AP3S2: variants seen among roughly 807,000 people sequenced by gnomAD.
The protein encoded by AP3S2 is AP-3 complex subunit sigma-2.
A neutral mutation model predicts 23.4 loss-of-function variants in AP3S2; 22 were observed. The observed-to-expected ratio is 0.94, with a 90% CI of 0.67 to 1.34. The LOEUF is 1.34. Among genes scored for constraint, AP3S2 ranks in the 40% most tolerant of loss-of-function variants. The pLI is 0.00. For missense variants in AP3S2, 241 were observed against 236.9 expected (o/e 1.02, Z -0.11); for synonymous variants, 86 against 87.1 (o/e 0.99, Z 0.07).
chr15:89,849,210 A>T (rs1895573916), intron 4 of AP3S2, among the ~76,000 whole-genome samples: 1 of 152,324 alleles, frequency 6.6e-6, no homozygotes, highest in South Asian at 2.1e-4. Flanking sequence ...ATATGCATGA[A>T]AGAGACATTA....
rs573223684 is a variant in AP3S2, at chr15:89,885,392, G to A, written c.273+3129C>T. ...TAATTTTTCTATTTTTAGTAGAGACGAAGTTTCACCATGTTGGTCAGGCTG... is the reference window on the plus strand; with the variant it reads ...TAATTTTTCTATTTTTAGTAGAGACAAAGTTTCACCATGTTGGTCAGGCTG... On this transcript the variant is annotated intron_variant, in intron 3 of 5. Transcript: ENST00000336418. Among the ~76,000 whole-genome samples the A allele has an allele frequency of 5.9e-5, 9 of 151,850 alleles. No homozygotes were observed. The South Asian group carries it at 1.5e-3, about 25-fold the overall frequency.
Position 89,853,638 on chromosome 15 carries a change from G to A in AP3S2, c.346-15916C>T, listed in dbSNP as rs941998782. Reference sequence around the variant, plus strand: ...TGGAAAGTGAGGAGCGTCTCCGCCCGGCCGCCATCCCATCTAGGAAGTGAG... The same window carrying A: ...TGGAAAGTGAGGAGCGTCTCCGCCCAGCCGCCATCCCATCTAGGAAGTGAG... On this transcript the variant is annotated intron_variant, in intron 4 of 5. Transcript: ENST00000336418. 9.3e-5 allele frequency among the ~76,000 whole-genome samples: 13 copies of A among 139,550 alleles called. No individual in the cohort carries two copies. In the East Asian group the frequency reaches 1.7e-3, roughly 19 times the overall value. The allele number at this position is 139,550 out of a possible 152,430, so 91.6% of individuals were successfully genotyped here. A position where few individuals can be genotyped will look rare whatever the true frequency, so the allele number is the denominator to read the frequency against.
chr15:89,850,825 C>G (rs1895632859), intron 4 of AP3S2: 1 of 152,046 alleles, frequency 6.6e-6, no homozygotes. Flanking sequence ...TCAAGTGATC[C>G]CACCTCAGCC....
At chr15:89,890,624 T>C (rs1050272038) in intron 1 of AP3S2, among the ~76,000 whole-genome samples, 6 of 152,222 alleles carry the variant, frequency 3.9e-5, no homozygotes, top group Non-Finnish European at 7.3e-5. Context: ...GCAAGTCTAG[T>C]AAGCACCCAG....
chr15:89,855,563 C>CCCAG (rs1895809197), intron 4 of AP3S2, among the ~76,000 whole-genome samples: 1 of 148,078 alleles, frequency 6.8e-6, no homozygotes, highest in African/African-American at 2.5e-5. Flanking sequence ...AATGGACTTT[C>CCCAG]CCAGGCCAGC....
At chr15:89,871,112 G>A (rs1896308491) in intron 4 of AP3S2, among the ~76,000 whole-genome samples, 1 of 152,140 alleles carries the variant, frequency 6.6e-6, no homozygotes, top group Non-Finnish European at 1.5e-5. Flanking sequence ...TTATTCCAAA[G>A]TTTCATTGTC....
At chr15:89,867,967 C>T (rs557583265) in intron 4 of AP3S2, among the ~76,000 whole-genome samples, 3 of 147,858 alleles carry the variant, frequency 2.0e-5, no homozygotes, top group Admixed American at 6.6e-5. Flanking sequence ...TCCGGCCAGC[C>T]GTGCCATCCG....
At chr15:89,862,299 A>T (rs1896024505) in intron 4 of AP3S2, among the ~76,000 whole-genome samples, 1 of 152,232 alleles carries the variant, frequency 6.6e-6, no homozygotes, top group Non-Finnish European at 1.5e-5. Context: ...GGGAAACTTA[A>T]ATATGAACTA....
chr15:89,840,582 C>G (rs1895304511), intron 4 of AP3S2, among the ~76,000 whole-genome samples: 1 of 152,138 alleles, frequency 6.6e-6, no homozygotes, highest in African/African-American at 2.4e-5. Context: ...CACCCGCCAC[C>G]ATGCCCAGCT....
At chr15:89,849,502 A>G (rs1016532713) in intron 4 of AP3S2, among the ~76,000 whole-genome samples, 10 of 152,062 alleles carry the variant, frequency 6.6e-5, no homozygotes, top group South Asian at 6.2e-4. Flanking sequence ...GGGTAGCTGG[A>G]ACTACAGGCG....
chr15:89,856,955 A>T (rs1021782686), intron 4 of AP3S2, among the ~76,000 whole-genome samples: 2 of 152,124 alleles, frequency 1.3e-5, no homozygotes, highest in Non-Finnish European at 2.9e-5. Context: ...TCAACTAATC[A>T]ACTCTGACTG....
At chr15:89,855,945 T>TAA (rs34784306) in intron 4 of AP3S2, among the ~76,000 whole-genome samples, 3 of 111,938 alleles carry the variant, frequency 2.7e-5, no homozygotes, top group Admixed American at 9.7e-5. Context: ...ATATGTCCTT[T>TAA]AAAAAAAAAA....
chr15:89,849,579 G>A (rs768956136), intron 4 of AP3S2, among the ~76,000 whole-genome samples: 3 of 152,058 alleles, frequency 2.0e-5, no homozygotes, highest in Non-Finnish European at 4.4e-5. Flanking sequence ...ATGTTAGCCA[G>A]GATGGTCTCG....
intron 3 of AP3S2, among the ~76,000 whole-genome samples, chr15:89,883,780 C>T (rs1896628473): frequency 6.6e-6 from 1 of 152,120 alleles, no homozygotes; most frequent in Admixed American, 6.6e-5. Flanking sequence ...AAATTGATTG[C>T]TTCAAGGAAA....
chr15:89,847,845 T>C (rs1895534760), intron 4 of AP3S2, among the ~76,000 whole-genome samples: 1 of 152,208 alleles, frequency 6.6e-6, no homozygotes, highest in Non-Finnish European at 1.5e-5. Context: ...GGCTAGCAGC[T>C]CATGAAAGCA....
At chr15:89,889,951 T>A (rs1896782696) in intron 1 of AP3S2, among the ~76,000 whole-genome samples, 1 of 152,156 alleles carries the variant, frequency 6.6e-6, no homozygotes, top group Non-Finnish European at 1.5e-5. Flanking sequence ...CTGCCATCTT[T>A]TGTACTGGTA....
intron 4 of AP3S2, among the ~76,000 whole-genome samples, chr15:89,844,150 CA>C (rs1248283156): frequency 6.6e-6 from 1 of 152,230 alleles, no homozygotes; most frequent in African/African-American, 2.4e-5. Flanking sequence ...TTATAAACAA[CA>C]AAACTTTGAG....
chr15:89,853,115 G>A (rs1895700198), intron 4 of AP3S2, among the ~76,000 whole-genome samples: 1 of 152,192 alleles, frequency 6.6e-6, no homozygotes, highest in African/African-American at 2.4e-5. Context: ...TGGTGGAGGG[G>A]AGTGAGGCAT....
chr15:89,842,445 C>G (rs974836276), intron 4 of AP3S2, among the ~76,000 whole-genome samples: 1 of 152,182 alleles, frequency 6.6e-6, no homozygotes, highest in African/African-American at 2.4e-5. Flanking sequence ...TACCAAGATA[C>G]ACCTTTAGGT....
Sources: allele counts gnomAD v4.1 joint callset (sites outside exome capture counted in the v4.1 genomes callset), GRCh38; gene constraint gnomAD v4.1.1; transcripts MANE v1.5; gene names NCBI Gene and HGNC (gene_info 2026-07-23, HGNC 2026-07-21).